The following GLE1 variants were observed in gnomAD, a reference collection of about 807,000 sequenced individuals.
GLE1 encodes mRNA export factor GLE1.
GLE1 carries 78 observed loss-of-function variants against 97.3 expected under a neutral mutation model. That is an observed-to-expected ratio of 0.80 (90% confidence interval 0.67 to 0.97). The LOEUF is 0.97. Ranked by LOEUF, GLE1 falls within the 50% of genes least tolerant of loss-of-function variation. GLE1 has a pLI of 0.00. For missense variants in GLE1, 753 were observed against 857.5 expected (o/e 0.88, Z 1.52); for synonymous variants, 302 against 313.4 (o/e 0.96, Z 0.39).
chr9:128,512,527 A>G (rs1846854799), intron 2 of GLE1, among the ~76,000 whole-genome samples: 1 of 152,190 alleles, frequency 6.6e-6, no homozygotes, highest in African/African-American at 2.4e-5. Flanking sequence ...AAATTTTTAA[A>G]AAGTATTTTT....
chr9:128,511,411 T>C (rs1846817480), intron 2 of GLE1, among the ~76,000 whole-genome samples: 2 of 151,032 alleles, frequency 1.3e-5, no homozygotes, highest in Non-Finnish European at 3.0e-5. Context: ...TCATACCTTA[T>C]ATAAAAATTA....
chr9:128,537,282 G>A (rs544904802), intron 12 of GLE1, among the ~76,000 whole-genome samples: 33 of 151,598 alleles, frequency 2.2e-4, no homozygotes, highest in Non-Finnish European at 4.3e-4. Context: ...GTGAAACCCC[G>A]TCTCTACTAA....
chr9:128,506,356 T>A (rs1236757357), intron 1 of GLE1, among the ~76,000 whole-genome samples: 1 of 151,768 alleles, frequency 6.6e-6, no homozygotes, highest in African/African-American at 2.4e-5. Context: ...AAAAAAAAAA[T>A]GTAGCCTTGT....
intron 12 of GLE1, among the ~76,000 whole-genome samples, chr9:128,537,172 G>C (rs1475516978): frequency 6.6e-6 from 1 of 152,006 alleles, no homozygotes; most frequent in Non-Finnish European, 1.5e-5. Context: ...TTAAAAAATA[G>C]AAGGCGAGGT....
At chr9:128,520,047 C>G (rs140737866) in intron 3 of GLE1, among the ~76,000 whole-genome samples, 6 of 151,930 alleles carry the variant, frequency 3.9e-5, no homozygotes, top group African/African-American at 1.5e-4. Flanking sequence ...GTCAAGAGAT[C>G]GAGACCATCC....
At position 128,536,336 on chromosome 9, in the gene GLE1, A is replaced by C; in HGVS notation, c.1647-19A>C. The C allele has an allele frequency of 1.9e-6, 3 of 1,610,776 alleles. No homozygotes were observed. Among genetic ancestry groups the C allele is most frequent in the Non-Finnish European group, 2.5e-6 (3 of 1,178,016 alleles). On this transcript the variant is annotated intron_variant, in intron 11 of 15. Coordinates refer to ENST00000309971, the MANE Select transcript of GLE1 (RefSeq NM_001003722.2). ...AGCGTGAGCCACCACACCCGGCCAA[A>C]TTTTTTCTTCCCGTATAGGATGCTT...
rs768406713 is a variant in GLE1, at chr9:128,508,941, C to T, written c.165C>T (p.His55=). The T allele has an allele frequency of 6.8e-6, 11 of 1,609,310 alleles. No homozygotes were observed. The highest frequency in any genetic ancestry group is 2.2e-5 in the East Asian group (1 of 44,872). The part of the protein sequence containing the change: ...LSSYSGWVVE[H]VLPHMQENQP... ...CTTATTCTGGATGGGTGGTAGAGCACGTCCTACCCCATATGCAGGAGAACC... is the reference window on the plus strand; with the variant it reads ...CTTATTCTGGATGGGTGGTAGAGCATGTCCTACCCCATATGCAGGAGAACC... The change falls in exon 2 of 16, where the codon CAC becomes CAT. Residue 55 remains histidine (H), a synonymous_variant. Transcript: ENST00000309971.
At chr9:128,525,488 A>G (rs750754213) in intron 7 of GLE1, 65 bp downstream of exon 7, 84 of 986,050 alleles carry the variant, frequency 8.5e-5, no homozygotes, top group Admixed American at 3.0e-4. Context: ...AAACAAGAGC[A>G]TGTTTTGAAT....
At chr9:128,539,938 T>G in intron 14 of GLE1, 1 of 1,129,670 alleles carries the variant, frequency 8.9e-7, no homozygotes, top group Non-Finnish European at 1.2e-6. Context: ...CTGAGCACAG[T>G]GGCTTATGCC....
intron 6 of GLE1, among the ~76,000 whole-genome samples, chr9:128,524,576 G>A (rs1247448006): frequency 7.7e-6 from 1 of 130,394 alleles, no homozygotes; most frequent in African/African-American, 3.0e-5. Context: ...TTTTGAGACA[G>A]GGTCTCACAC....
Position 128,523,284 on chromosome 9 carries a change from A to G in GLE1, c.586A>G (p.Arg196Gly). ...DLREVMEKSS[R>G]EALGHQEKLK... is the part of the protein sequence containing the mutation. ...TCCCTGCCATTTTTCATGCAGCTCC[A>G]GAGAAGCCTTGGGACACCAAGAGAA... Residue 196 changes from arginine to glycine, a missense_variant, in exon 5 of 16, where the codon AGA becomes GGA. Arg to Gly is a moderately radical substitution (Grantham distance 125). Transcript: ENST00000309971. 1 of 1,610,812 alleles carries G rather than the reference A, an allele frequency of 6.2e-7. No homozygotes were observed. The highest frequency in any genetic ancestry group is 1.3e-5 in the African/African-American group (1 of 74,992).
At position 128,508,926 on chromosome 9, in the gene GLE1, A is replaced by C. The variant is rs550698804; in HGVS notation, c.150A>C (p.Gly50=). Residue 50 remains glycine, a synonymous_variant, in exon 2 of 16, where the codon GGA becomes GGC. Transcript: ENST00000309971. ...MSLPKLSSYS[G]WVVEHVLPHM... is the part of the protein sequence containing the mutation. ...TTCCCAAGCTATCTTCTTATTCTGG[A>C]TGGGTGGTAGAGCACGTCCTACCCC... 1 of 1,611,872 alleles carries C rather than the reference A, an allele frequency of 6.2e-7. No individual in the cohort carries two copies.
intron 2 of GLE1, among the ~76,000 whole-genome samples, chr9:128,510,398 T>C (rs1166383490): frequency 3.3e-5 from 5 of 151,804 alleles, no homozygotes; most frequent in Non-Finnish European, 5.9e-5. Flanking sequence ...CCGGCTTATG[T>C]TTGTATTTTT....
At position 128,533,830 on chromosome 9, in the gene GLE1, A is replaced by T; in HGVS notation, c.1525A>T (p.Ile509Phe). ...CCCCATTGCAGTTGTGGCATCCGGG[A>T]TCTGGGAGCTCCACCCCAGAGTGGG... ...AFPIAVVASG[I>F]WELHPRVGDL... Residue 509 changes from isoleucine (I) to phenylalanine (F), a missense_variant, in exon 11 of 16, where the codon ATC becomes TTC. By Grantham distance (21) the Ile-to-Phe change is conservative. Transcript: ENST00000309971. 6.2e-7 allele frequency: 1 copy of T among 1,613,778 alleles called. No individual in the cohort carries two copies. The highest frequency in any genetic ancestry group is 8.5e-7 in the Non-Finnish European group (1 of 1,179,682).
intron 1 of GLE1, among the ~76,000 whole-genome samples, chr9:128,505,997 A>T (rs900169335): frequency 6.6e-6 from 1 of 152,078 alleles, no homozygotes; most frequent in Non-Finnish European, 1.5e-5. Flanking sequence ...CATTACTTTT[A>T]TTATTTATTT....
chr9:128,536,241 C>CCAGG lies in GLE1; in HGVS notation c.1647-112_1647-109dup. On this transcript the variant is annotated intron_variant, in intron 11 of 15. Transcript: ENST00000309971. ...TAGAGATGGGGTTTCACCACATTGG[C>CCAGG]CAGGCTAGTCTTGAACTCCTGGCCT... 3.9e-6 allele frequency: 3 copies of CCAGG among 763,724 alleles called. No homozygotes were observed. In the South Asian group the frequency reaches 4.2e-5, roughly 11 times the overall value. 47.3% of individuals were successfully genotyped at this position (763,724 alleles called of 1,614,324 possible).
chr9:128,536,310 A>C lies in GLE1; in HGVS notation c.1647-45A>C, dbSNP rs373013335. The C allele has an allele frequency of 7.4e-5, 117 of 1,571,912 alleles. 1 individual carries two copies. In the African/African-American group the frequency reaches 1.4e-3, roughly 19 times the overall value. On this transcript the variant is annotated intron_variant, in intron 11 of 15. Coordinates refer to ENST00000309971, the MANE Select transcript of GLE1 (RefSeq NM_001003722.2). ...TGGCCTCCCAAAGTGCTGGGATTAC[A>C]AGCGTGAGCCACCACACCCGGCCAA...
chr9:128,527,048 G>T lies in GLE1; in HGVS notation c.1130-131G>T. On this transcript the variant is annotated intron_variant, in intron 7 of 15. Transcript: ENST00000309971. ...TTTCTATAAAATGGAGATAATAATA[G>T]TATCTATTTCATAGTTATGGTGACA... is the stretch of plus-strand genomic sequence containing the variant. 5 of 693,056 alleles carry T rather than the reference G, an allele frequency of 7.2e-6. No homozygotes were observed. In the South Asian group the frequency reaches 7.6e-5, roughly 11 times the overall value. The allele number at this position is 693,056 out of a possible 1,614,324, so 42.9% of individuals were successfully genotyped here.
intron 15 of GLE1, 90 bp from the exon 16 acceptor site, chr9:128,541,012 T>C (rs879005213): frequency 4.9e-6 from 4 of 819,254 alleles, no homozygotes; most frequent in East Asian, 2.4e-5. Flanking sequence ...GGCTGAAATA[T>C]GGTGTTCCTC....
Sources: allele counts gnomAD v4.1 joint callset (sites outside exome capture counted in the v4.1 genomes callset), GRCh38; gene constraint gnomAD v4.1.1; transcripts MANE v1.5; gene names NCBI Gene and HGNC (gene_info 2026-07-23, HGNC 2026-07-21).